The following TMEM132D variants were observed in gnomAD, a reference collection of about 807,000 sequenced individuals.
TMEM132D encodes the protein transmembrane protein 132D.
In TMEM132D, 21 loss-of-function variants were observed where a neutral mutation model predicts 62.3. That is an observed-to-expected ratio of 0.34 (90% CI 0.24 to 0.49). TMEM132D has a LOEUF of 0.49. Among genes scored for constraint, TMEM132D ranks in the 20% least tolerant of loss-of-function variants. The pLI is 0.99. For synonymous variants in TMEM132D, 621 were observed against 575.6 expected (o/e 1.08, Z -1.13); for missense variants, 1,346 against 1,402.8 (o/e 0.96, Z 0.65).
intron 1 of TMEM132D, among the ~76,000 whole-genome samples, chr12:129,708,980 T>G (rs1015743655): frequency 3.3e-5 from 5 of 152,188 alleles, no homozygotes; most frequent in African/African-American, 1.2e-4. Flanking sequence ...AGAGTGAGTG[T>G]GGAAGACCTA....
At chr12:129,718,382 A>G (rs909775127) in intron 1 of TMEM132D, among the ~76,000 whole-genome samples, 2 of 152,202 alleles carry the variant, frequency 1.3e-5, no homozygotes, top group African/African-American at 2.4e-5. Context: ...GACATGGAGG[A>G]ACGAGCTGAC....
chr12:129,343,892 G>T (rs542096889), intron 3 of TMEM132D, among the ~76,000 whole-genome samples: 1 of 152,136 alleles, frequency 6.6e-6, no homozygotes, highest in Non-Finnish European at 1.5e-5. Context: ...GATCATGATC[G>T]TGCCACTGCA....
chr12:129,680,010 T>C (rs1215631533), intron 2 of TMEM132D, among the ~76,000 whole-genome samples: 1 of 152,220 alleles, frequency 6.6e-6, no homozygotes, highest in Non-Finnish European at 1.5e-5. Context: ...TTGTCCATGC[T>C]TTATCTTGCA....
intron 2 of TMEM132D, chr12:129,698,374 T>C (rs1235515423): frequency 6.6e-6 from 1 of 151,550 alleles, no homozygotes; most frequent in Non-Finnish European, 1.5e-5. Flanking sequence ...AGTCATTAGA[T>C]GCATGTCCAT....
At chr12:129,680,990 C>T (rs1880762673) in intron 2 of TMEM132D, among the ~76,000 whole-genome samples, 1 of 152,156 alleles carries the variant, frequency 6.6e-6, no homozygotes, top group Non-Finnish European at 1.5e-5. Flanking sequence ...CTTTTCCAAC[C>T]CACAAGTTTC....
chr12:129,335,116 T>G (rs1406437679), intron 4 of TMEM132D, among the ~76,000 whole-genome samples: 2 of 149,088 alleles, frequency 1.3e-5, no homozygotes, highest in African/African-American at 4.9e-5. Context: ...GGCTGGGTAC[T>G]CTAATAAGTA....
At chr12:129,444,744 G>A (rs1018059258) in intron 3 of TMEM132D, among the ~76,000 whole-genome samples, 3 of 152,130 alleles carry the variant, frequency 2.0e-5, no homozygotes, top group Non-Finnish European at 2.9e-5. Flanking sequence ...CAACATCACT[G>A]ATCATTAGAG....
chr12:129,530,623 T>C (rs1371933062), intron 3 of TMEM132D, among the ~76,000 whole-genome samples: 3 of 152,258 alleles, frequency 2.0e-5, no homozygotes, highest in Admixed American at 6.5e-5. Context: ...TACAATCATA[T>C]GCATTGTATT....
intron 5 of TMEM132D, among the ~76,000 whole-genome samples, chr12:129,196,963 A>G (rs1341952247): frequency 5.3e-5 from 8 of 152,190 alleles, no homozygotes; most frequent in Non-Finnish European, 4.4e-5. Flanking sequence ...GTCAGTAAAT[A>G]ATCATGTAAG....
At chr12:129,687,413 C>T (rs1178594500) in intron 2 of TMEM132D, among the ~76,000 whole-genome samples, 1 of 151,872 alleles carries the variant, frequency 6.6e-6, no homozygotes, top group Non-Finnish European at 1.5e-5. Flanking sequence ...AGGTTCTATG[C>T]CTGCATCCTG....
intron 1 of TMEM132D, among the ~76,000 whole-genome samples, chr12:129,726,008 G>C (rs555442961): frequency 6.6e-6 from 1 of 152,324 alleles, no homozygotes; most frequent in African/African-American, 2.4e-5. Flanking sequence ...CCAGGTAGAG[G>C]ATATGCATGT....
At chr12:129,535,437 A>G (rs1876354422) in intron 2 of TMEM132D, among the ~76,000 whole-genome samples, 1 of 152,200 alleles carries the variant, frequency 6.6e-6, no homozygotes, top group Admixed American at 6.5e-5. Context: ...CTCCACCACA[A>G]CCACCAGGGG....
At chr12:129,511,232 A>T (rs554029057) in intron 3 of TMEM132D, among the ~76,000 whole-genome samples, 8 of 152,140 alleles carry the variant, frequency 5.3e-5, no homozygotes, top group Non-Finnish European at 1.2e-4. Context: ...GCCTTCTGTC[A>T]CTATTGATTG....
intron 2 of TMEM132D, among the ~76,000 whole-genome samples, chr12:129,653,306 AG>A (rs1714544001): frequency 1.3e-5 from 2 of 152,320 alleles, no homozygotes; most frequent in African/African-American, 4.8e-5. Context: ...TCACACAGCC[AG>A]GGCTTCCGGC....
chr12:129,619,952 T>C (rs755070740), intron 2 of TMEM132D, among the ~76,000 whole-genome samples: 16 of 152,218 alleles, frequency 1.1e-4, no homozygotes, highest in Non-Finnish European at 1.8e-4. Context: ...ATGAGTCCTA[T>C]TAGGTTACAA....
intron 4 of TMEM132D, among the ~76,000 whole-genome samples, chr12:129,272,715 C>G (rs1448976401): frequency 6.6e-6 from 1 of 151,606 alleles, no homozygotes; most frequent in African/African-American, 2.4e-5. Flanking sequence ...AAATGCAAAT[C>G]AAGACCACAG....
chr12:129,555,507 G>A (rs1194994845), intron 2 of TMEM132D, among the ~76,000 whole-genome samples: 4 of 152,124 alleles, frequency 2.6e-5, no homozygotes, highest in African/African-American at 4.8e-5. Context: ...CATTTATTTC[G>A]AAGAGTTTCA....
At chr12:129,146,200 A>G (rs151183815) in intron 5 of TMEM132D, among the ~76,000 whole-genome samples, 4 of 152,232 alleles carry the variant, frequency 2.6e-5, no homozygotes, top group East Asian at 3.9e-4. Context: ...TTAGTCCTGC[A>G]TAACTAAAAC....
At chr12:129,648,221 C>T (rs2137180846) in intron 2 of TMEM132D, among the ~76,000 whole-genome samples, 1 of 152,262 alleles carries the variant, frequency 6.6e-6, no homozygotes, top group East Asian at 1.9e-4. Flanking sequence ...GCTGGATCAG[C>T]TGGCACCACC....
Sources: gnomAD v4.1 joint callset for allele counts (sites outside exome capture counted in the v4.1 genomes callset) on GRCh38, gnomAD v4.1.1 for gene constraint, MANE v1.5 for transcripts, NCBI Gene and HGNC (gene_info 2026-07-23, HGNC 2026-07-21) for gene names.